ACSBG2: variants seen among roughly 807,000 people sequenced by gnomAD.
The protein encoded by ACSBG2 is acyl-CoA synthetase bubblegum family member 2.
ACSBG2 carries 62 observed loss-of-function variants against 74.7 expected under a neutral mutation model. The observed-to-expected ratio is 0.83, with a 90% CI of 0.68 to 1.03. The LOEUF (loss-of-function observed/expected upper bound fraction) is 1.03. ACSBG2 is among the 50% of genes least tolerant of loss of function. The pLI is 0.00. For synonymous variants in ACSBG2, 309 were observed against 294.1 expected, an observed-to-expected ratio of 1.05 and a Z score of -0.52; for missense variants, 730 against 817.6, an observed-to-expected ratio of 0.89 and a Z score of 1.31.
Position 6,156,540 on chromosome 19 carries a change from A to C in ACSBG2, c.496A>C (p.Lys166Gln). Reference sequence around the variant, plus strand: ...GGTTGAGAATGATCAACAGTTACAGAAAATCCTTTCGGTAAACCCCTACCC... The same window carrying C: ...GGTTGAGAATGATCAACAGTTACAGCAAATCCTTTCGGTAAACCCCTACCC... ...LLVENDQQLQ[K>Q]ILSIPQSSLE... Residue 166 changes from lysine (K) to glutamine (Q), a missense_variant, in exon 5 of 15, where the codon AAA becomes CAA. Lys to Gln is a moderately conservative substitution (Grantham distance 53). Coordinates refer to ENST00000588485, the MANE Select transcript of ACSBG2 (RefSeq NM_030924.5). The C allele has an allele frequency of 6.3e-7, 1 of 1,578,116 alleles. No individual in the cohort carries two copies. Among genetic ancestry groups the C allele is most frequent in the Non-Finnish European group, 8.6e-7 (1 of 1,160,410 alleles).
At chr19:6,163,796 A>AC (rs2089710271) in intron 6 of ACSBG2, among the ~76,000 whole-genome samples, 1 of 148,622 alleles carries the variant, frequency 6.7e-6, no homozygotes, top group East Asian at 2.0e-4. Flanking sequence ...AAAAAAAAAA[A>AC]AAAAACAGCC....
intron 7 of ACSBG2, among the ~76,000 whole-genome samples, chr19:6,170,360 C>G (rs968398822): frequency 6.6e-6 from 1 of 152,118 alleles, no homozygotes; most frequent in Non-Finnish European, 1.5e-5. Flanking sequence ...GATTTTAATT[C>G]TGTGTATGTG....
chr19:6,181,809 A>ACCCCCCCC (rs1487682988), intron 8 of ACSBG2, among the ~76,000 whole-genome samples: 5 of 28,346 alleles, frequency 1.8e-4, no homozygotes, highest in Admixed American at 4.3e-4. Context: ...AATAGTCCCC[A>ACCCCCCCC]CCCGCCCCCC....
chr19:6,164,579 C>G (rs1292135952), intron 6 of ACSBG2, among the ~76,000 whole-genome samples: 2 of 152,042 alleles, frequency 1.3e-5, no homozygotes, highest in African/African-American at 4.8e-5. Flanking sequence ...ATTACAGGCG[C>G]CTGCCACCAC....
chr19:6,140,389 T>C (rs2088776440), intron 1 of ACSBG2, among the ~76,000 whole-genome samples: 1 of 152,128 alleles, frequency 6.6e-6, no homozygotes, highest in East Asian at 1.9e-4. Context: ...TTAAAGACCA[T>C]GTGATCTCGG....
At position 6,184,857 on chromosome 19, in the gene ACSBG2, A is replaced by AC. The variant is rs1568254685; in HGVS notation, c.1323-579_1323-578insC. Among the ~76,000 whole-genome samples the AC allele has an allele frequency of 4.3e-4, 62 of 143,722 alleles. 1 individual carries two copies. The highest frequency in any genetic ancestry group is 3.8e-3 in the East Asian group (19 of 4,950). The allele number at this position is 143,722 out of a possible 152,430, so 94.3% of individuals were successfully genotyped here. A position where few individuals can be genotyped will look rare whatever the true frequency, so the allele number is the denominator to read the frequency against. On this transcript the variant is annotated intron_variant, in intron 10 of 14. Transcript: ENST00000588485. Reference sequence around the variant, plus strand: ...GAAAAAAAAAAAAAAAAAAAAAAAAAAAAAAAAAAAAAAAACGAAAAACAG... The same window carrying AC: ...GAAAAAAAAAAAAAAAAAAAAAAAAACAAAAAAAAAAAAAAACGAAAAACAG...
intron 7 of ACSBG2, among the ~76,000 whole-genome samples, chr19:6,176,927 C>T (rs578110579): frequency 2.0e-5 from 3 of 151,992 alleles, no homozygotes; most frequent in East Asian, 1.9e-4. Flanking sequence ...GAGGCTGAGG[C>T]GGGAGGTCGC....
rs550472266 is a variant in ACSBG2 at position 6,161,212 on chromosome 19, C to T, written c.508-3C>T. 3.1e-6 allele frequency: 5 copies of T among 1,612,728 alleles called. No homozygotes were observed. In the Admixed American group the frequency reaches 8.3e-5, roughly 27 times the overall value. The stretch of plus-strand genomic sequence containing the variant: ...ATGAAGCCCACAGGGAACTTTCTTT[C>T]AGATTCCACAGAGCAGCCTAGAGCC... On this transcript the variant is annotated splice_polypyrimidine_tract_variant and splice_region_variant and intron_variant, in intron 5 of 14. Coordinates refer to ENST00000588485, the MANE Select transcript of ACSBG2 (RefSeq NM_030924.5).
intron 8 of ACSBG2, among the ~76,000 whole-genome samples, chr19:6,181,816 C>CCCCCCCCCCCCCCCCA (rs2090265797): frequency 9.3e-6 from 1 of 107,330 alleles, no homozygotes; most frequent in African/African-American, 3.8e-5. Flanking sequence ...CCCACCCGCC[C>CCCCCCCCCCCCCCCCA]CCCCCCCCAA....
At chr19:6,190,896 T>A in intron 14 of ACSBG2, 8 of 454,292 alleles carry the variant, frequency 1.8e-5, no homozygotes, top group Non-Finnish European at 2.8e-5. Flanking sequence ...CAACTCATGC[T>A]GTCTCTACTC....
intron 1 of ACSBG2, among the ~76,000 whole-genome samples, chr19:6,139,208 C>A (rs2088724019): frequency 6.6e-6 from 1 of 152,074 alleles, no homozygotes; most frequent in Non-Finnish European, 1.5e-5. Flanking sequence ...CTGACTCGAC[C>A]TCCCAAGTAG....
chr19:6,176,323 T>G (rs951763668), intron 7 of ACSBG2: 34 of 1,415,440 alleles, frequency 2.4e-5, no homozygotes, highest in Non-Finnish European at 3.0e-5. Context: ...CCAATCTTTA[T>G]GGGTACCCAG....
At chr19:6,147,413 C>G (rs1323520041) in intron 2 of ACSBG2, 33 bp from the exon 3 acceptor site, 1 of 1,578,352 alleles carries the variant, frequency 6.3e-7, no homozygotes, top group Non-Finnish European at 8.7e-7. Flanking sequence ...TAAATAAAAA[C>G]ATTTGCCACC....
intron 13 of ACSBG2, chr19:6,190,360 T>C (rs1183761298): frequency 2.0e-6 from 1 of 512,174 alleles, no homozygotes; most frequent in Admixed American, 3.2e-5. Flanking sequence ...GAATGCACCA[T>C]GCTCTTCACC....
chr19:6,181,769 G>A (rs998805254), intron 8 of ACSBG2, among the ~76,000 whole-genome samples: 7 of 140,744 alleles, frequency 5.0e-5, no homozygotes, highest in African/African-American at 1.3e-4. Context: ...TTGTGGAAGC[G>A]TTTGTTTGTT....
intron 6 of ACSBG2, among the ~76,000 whole-genome samples, chr19:6,164,535 C>T (rs2089735836): frequency 1.3e-5 from 2 of 151,346 alleles, no homozygotes; most frequent in Admixed American, 1.3e-4. Flanking sequence ...CCATTTCAAG[C>T]GATTCTCCTG....
At chr19:6,165,014 A>G (rs1240428920) in intron 6 of ACSBG2, among the ~76,000 whole-genome samples, 3 of 152,190 alleles carry the variant, frequency 2.0e-5, no homozygotes, top group Non-Finnish European at 4.4e-5. Context: ...GCAATGCATC[A>G]ATTATCAATA....
intron 10 of ACSBG2, among the ~76,000 whole-genome samples, 185 bp downstream of exon 10, chr19:6,183,457 C>T (rs80027477): frequency 0.029 from 4,487 of 152,250 alleles, 90 homozygotes; most frequent in South Asian, 0.056. Context: ...GGTAAGAGAG[C>T]CCACAGATAA....
chr19:6,188,682 G>A (rs942834556), intron 13 of ACSBG2, among the ~76,000 whole-genome samples: 9 of 152,120 alleles, frequency 5.9e-5, no homozygotes, highest in Non-Finnish European at 1.3e-4. Flanking sequence ...TCCCTTGCAG[G>A]GAAGCCAACC....
Sources: gnomAD v4.1 joint callset for allele counts (sites outside exome capture counted in the v4.1 genomes callset) on GRCh38, gnomAD v4.1.1 for gene constraint, MANE v1.5 for transcripts, NCBI Gene and HGNC (gene_info 2026-07-23, HGNC 2026-07-21) for gene names.